BFAR: variants seen among roughly 807,000 people sequenced by gnomAD.
BFAR encodes RING finger protein 47.
In BFAR, 52 loss-of-function variants were observed where a neutral mutation model predicts 54.4. That is an observed-to-expected ratio of 0.96 (90% CI 0.77 to 1.21). The LOEUF (loss-of-function observed/expected upper bound fraction) is 1.21. Ranked by LOEUF, BFAR falls within the 50% of genes most tolerant of loss-of-function variation. The pLI is 0.00. For synonymous variants in BFAR, 215 were observed against 204.3 expected, an observed-to-expected ratio of 1.05 and a Z score of -0.45; for missense variants, 571 against 534.0, an observed-to-expected ratio of 1.07 and a Z score of -0.68.
At chr16:14,660,045 A>G (rs2151843394) in intron 5 of BFAR, among the ~76,000 whole-genome samples, 1 of 152,302 alleles carries the variant, frequency 6.6e-6, no homozygotes, top group South Asian at 2.1e-4. Context: ...CACACCCATG[A>G]AAGCATCACA....
At chr16:14,649,071 T>C (rs1293068088) in intron 3 of BFAR, among the ~76,000 whole-genome samples, 1 of 108,042 alleles carries the variant, frequency 9.3e-6, no homozygotes, top group Admixed American at 8.5e-5. Context: ...TCTCTTGCTC[T>C]TTTTTTTTTT....
At chr16:14,645,520 A>G (rs2151837713) in intron 2 of BFAR, among the ~76,000 whole-genome samples, 1 of 152,234 alleles carries the variant, frequency 6.6e-6, no homozygotes, top group Non-Finnish European at 1.5e-5. Context: ...GTACCTGTGA[A>G]GGCTCTGAGG....
chr16:14,666,019 TTG>T (rs1960431911), intron 7 of BFAR, among the ~76,000 whole-genome samples: 1 of 152,208 alleles, frequency 6.6e-6, no homozygotes, highest in African/African-American at 2.4e-5. Flanking sequence ...CTGTTCTTTC[TTG>T]TGTTTTCTGC....
chr16:14,660,581 G>A (rs1052976962), intron 5 of BFAR, among the ~76,000 whole-genome samples: 7 of 135,380 alleles, frequency 5.2e-5, no homozygotes, highest in Non-Finnish European at 1.1e-4. Flanking sequence ...CACCGCACTC[G>A]GCCTTTTTTT....
At chr16:14,635,514 C>T (rs1438348259) in intron 1 of BFAR, among the ~76,000 whole-genome samples, 1 of 152,064 alleles carries the variant, frequency 6.6e-6, no homozygotes, top group Non-Finnish European at 1.5e-5. Context: ...TGCATATATG[C>T]CACGAGAAAT....
intron 1 of BFAR, among the ~76,000 whole-genome samples, chr16:14,641,156 A>G (rs1038186471): frequency 6.6e-6 from 1 of 152,224 alleles, no homozygotes; most frequent in African/African-American, 2.4e-5. Flanking sequence ...AAACTTGGTA[A>G]ATAACAGTTA....
chr16:14,645,942 C>T (rs1959781454), intron 2 of BFAR, among the ~76,000 whole-genome samples: 1 of 152,192 alleles, frequency 6.6e-6, no homozygotes, highest in Non-Finnish European at 1.5e-5. Context: ...GACCTTGGCT[C>T]ACTGCAACCT....
intron 5 of BFAR, among the ~76,000 whole-genome samples, chr16:14,660,688 G>A (rs572080367): frequency 5.1e-4 from 75 of 147,904 alleles, no homozygotes; most frequent in Middle Eastern, 3.4e-3. Flanking sequence ...ATCACCTGAG[G>A]TCAGGAGTTC....
At chr16:14,657,520 T>C (rs1380939948) in intron 5 of BFAR, among the ~76,000 whole-genome samples, 2 of 152,020 alleles carry the variant, frequency 1.3e-5, no homozygotes, top group Non-Finnish European at 2.9e-5. Context: ...AGTGCTGGGA[T>C]TACAGGTGTG....
chr16:14,644,686 T>C (rs1042719541), intron 2 of BFAR, 77 bp downstream of exon 2: 7 of 1,311,684 alleles, frequency 5.3e-6, no homozygotes, highest in Middle Eastern at 2.0e-4. Context: ...TTTTTTTTTT[T>C]AACAGAGATG....
rs763197755 is a variant in BFAR, at chr16:14,665,038, C to T, written c.1127C>T (p.Ser376Phe). ...AMLLSVLELF[S>F]FWRIWSRSEL... ...TTACTCTCAGTTCTGGAATTATTCT[C>T]CTTTTGGAGAATCTGGTCGAGAAGT... The change falls in exon 7 of 8, where the codon TCC (serine) becomes TTC (phenylalanine). Residue 376 changes from serine (S) to phenylalanine (F), a missense_variant. By Grantham distance (155) the Ser-to-Phe change is radical. Coordinates refer to ENST00000261658, the MANE Select transcript of BFAR (RefSeq NM_016561.3). 49 of 1,613,826 alleles carry T rather than the reference C, an allele frequency of 3.0e-5. No homozygotes were observed. The highest frequency in any genetic ancestry group is 2.5e-5 in the Non-Finnish European group (29 of 1,179,886).
At chr16:14,643,141 C>T (rs915686495) in intron 1 of BFAR, among the ~76,000 whole-genome samples, 14 of 152,238 alleles carry the variant, frequency 9.2e-5, no homozygotes, top group African/African-American at 2.9e-4. Context: ...GGCGAAAACC[C>T]GTCTCTACTA....
Position 14,644,366 on chromosome 16 carries a change from G to A in BFAR, c.20G>A (p.Ser7Asn). Residue 7 changes from serine to asparagine, a missense_variant, in exon 2 of 8, where the codon AGC (serine) becomes AAC (asparagine). Ser to Asn is a conservative substitution (Grantham distance 46, BLOSUM62 1). Coordinates refer to ENST00000261658, the MANE Select transcript of BFAR (RefSeq NM_016561.3). The stretch of plus-strand genomic sequence containing the variant: ...TAAGAGATGGAGGAACCTCAGAAAA[G>A]CTATGTGAACACAATGGACCTTGAG... MEEPQK[S>N]YVNTMDLERD... 6.2e-7 allele frequency: 1 copy of A among 1,613,824 alleles called. No homozygotes were observed. The highest frequency in any genetic ancestry group is 8.5e-7 in the Non-Finnish European group (1 of 1,179,942).
chr16:14,660,033 T>A (rs1208723929), intron 5 of BFAR, among the ~76,000 whole-genome samples: 1 of 152,184 alleles, frequency 6.6e-6, no homozygotes, highest in African/African-American at 2.4e-5. Context: ...TTTTCACATA[T>A]GCACACCCAT....
rs71373038 is a variant in BFAR at position 14,655,223 on chromosome 16, A to ATT, written c.783+30_783+31dup. Reference sequence around the variant, plus strand: ...CTGGGAATATAAGGTGAACACTTTAATTTTTTTTTTTTTTTTTTACTTTTT... The same window carrying ATT: ...CTGGGAATATAAGGTGAACACTTTAATTTTTTTTTTTTTTTTTTTTACTTTTT... On this transcript the variant is annotated intron_variant, in intron 5 of 7. Transcript: ENST00000261658. 4.4e-3 allele frequency: 5,072 copies of ATT among 1,158,524 alleles called. 15 individuals carry two copies. The highest frequency in any genetic ancestry group is 0.023 in the African/African-American group (1,252 of 54,560). The allele number at this position is 1,158,524 out of a possible 1,614,324, so 71.8% of individuals were successfully genotyped here.
chr16:14,666,428 A>T (rs1406182144), intron 7 of BFAR, among the ~76,000 whole-genome samples: 1 of 152,112 alleles, frequency 6.6e-6, no homozygotes, highest in Non-Finnish European at 1.5e-5. Context: ...AAAATTAGCC[A>T]GGCGTGGCGG....
chr16:14,657,908 A>C (rs1960174265), intron 5 of BFAR, among the ~76,000 whole-genome samples: 1 of 152,100 alleles, frequency 6.6e-6, no homozygotes, highest in African/African-American at 2.4e-5. Context: ...TTTTTTTTTG[A>C]AATGGAGTCT....
At chr16:14,648,349 C>CA (rs778358042) in intron 2 of BFAR, 39 bp from the exon 3 acceptor site, 1 of 1,530,668 alleles carries the variant, frequency 6.5e-7, no homozygotes, top group South Asian at 1.1e-5. Flanking sequence ...GATATTTAGT[C>CA]AAACAACTGT....
intron 4 of BFAR, among the ~76,000 whole-genome samples, chr16:14,653,812 A>G (rs995385075): frequency 1.3e-5 from 2 of 151,892 alleles, no homozygotes; most frequent in African/African-American, 2.4e-5. Flanking sequence ...GGCTCAAGCA[A>G]TCCTCTTGTC....
Sources: gnomAD v4.1 joint callset for allele counts (sites outside exome capture counted in the v4.1 genomes callset) on GRCh38, gnomAD v4.1.1 for gene constraint, MANE v1.5 for transcripts, NCBI Gene and HGNC (gene_info 2026-07-23, HGNC 2026-07-21) for gene names.